Variants in DTNB observed in about 807,000 individuals in gnomAD.
DTNB encodes the protein dystrobrevin beta.
Under a neutral mutation model 90.7 loss-of-function variants are expected in DTNB, and 63 were observed. That is an observed-to-expected ratio of 0.69 (90% CI 0.57 to 0.86). DTNB has a LOEUF of 0.86. Among genes scored for constraint, DTNB ranks in the 40% least tolerant of loss-of-function variants. The pLI is 0.00. For synonymous variants in DTNB, 277 were observed against 286.7 expected, an observed-to-expected ratio of 0.97 and a Z score of 0.34; for missense variants, 744 against 807.1, an observed-to-expected ratio of 0.92 and a Z score of 0.95.
intron 5 of DTNB, among the ~76,000 whole-genome samples, chr2:25,600,152 A>G (rs905712229): frequency 6.6e-6 from 1 of 152,218 alleles, no homozygotes. Flanking sequence ...CGTTCATTGA[A>G]TCTGAATGAA....
At chr2:25,620,018 C>A (rs201887017) in intron 4 of DTNB, among the ~76,000 whole-genome samples, 1 of 151,682 alleles carries the variant, frequency 6.6e-6, no homozygotes, top group East Asian at 1.9e-4. Flanking sequence ...CCAGCCTGGG[C>A]GACAGAGTGA....
intron 3 of DTNB, among the ~76,000 whole-genome samples, chr2:25,637,178 C>T (rs1450010791): frequency 6.6e-6 from 1 of 152,024 alleles, no homozygotes; most frequent in Non-Finnish European, 1.5e-5. Context: ...AAACTGGATC[C>T]CTTCCTTACA....
Position 25,379,556 on chromosome 2 carries a change from A to C in DTNB, c.1880-233T>G, listed in dbSNP as rs2036964381. ...GAGACAGATGCTTCTCAGGAGAAGG[A>C]AAGTCATTAAAAAATGGAATCAAAA... On this transcript the variant is annotated intron_variant, in intron 19 of 20. Coordinates refer to ENST00000406818, the MANE Select transcript of DTNB (RefSeq NM_021907.5). 9.5e-6 allele frequency: 4 copies of C among 419,798 alleles called. No individual in the cohort carries two copies. In the South Asian group the frequency reaches 4.0e-4, roughly 42 times the overall value. The allele number at this position is 419,798 out of a possible 1,614,324, so 26.0% of individuals were successfully genotyped here.
At chr2:25,580,875 C>A in intron 6 of DTNB, 49 bp from the exon 7 acceptor site, 1 of 1,506,256 alleles carries the variant, frequency 6.6e-7, no homozygotes, top group Non-Finnish European at 9.1e-7. Context: ...TAGGAATCTC[C>A]AAACTCCAAG....
chr2:25,650,282 G>C, intron 2 of DTNB: 1 of 976,352 alleles, frequency 1.0e-6, no homozygotes, highest in Non-Finnish European at 1.2e-6. Context: ...TTCATGAAGT[G>C]AAGTCAGGGA....
intron 9 of DTNB, among the ~76,000 whole-genome samples, chr2:25,496,522 ACT>A (rs1178251425): frequency 2.6e-5 from 4 of 152,074 alleles, no homozygotes; most frequent in Non-Finnish European, 5.9e-5. Context: ...TGACAGGCTG[ACT>A]CTCACATATT....
At chr2:25,534,410 C>T (rs2078928875) in intron 8 of DTNB, among the ~76,000 whole-genome samples, 3 of 152,176 alleles carry the variant, frequency 2.0e-5, no homozygotes, top group Non-Finnish European at 2.9e-5. Flanking sequence ...TCTTTCTACA[C>T]AGACACAGTA....
intron 8 of DTNB, among the ~76,000 whole-genome samples, chr2:25,540,609 G>T (rs1229350549): frequency 6.6e-6 from 1 of 152,120 alleles, no homozygotes; most frequent in African/African-American, 2.4e-5. Flanking sequence ...AAGGGGGAAA[G>T]GTGGGGAAAA....
At chr2:25,456,126 G>T (rs1351659766) in intron 10 of DTNB, among the ~76,000 whole-genome samples, 1 of 152,110 alleles carries the variant, frequency 6.6e-6, no homozygotes, top group Non-Finnish European at 1.5e-5. Flanking sequence ...TAAGCACATG[G>T]TCTTCTAACT....
At chr2:25,434,486 C>T (rs1176161538) in intron 12 of DTNB, among the ~76,000 whole-genome samples, 1 of 146,538 alleles carries the variant, frequency 6.8e-6, no homozygotes, top group African/African-American at 2.6e-5. Context: ...TCACAGCTCA[C>T]TGCACTCTTG....
At chr2:25,532,774 T>C (rs2078499088) in intron 8 of DTNB, among the ~76,000 whole-genome samples, 1 of 152,218 alleles carries the variant, frequency 6.6e-6, no homozygotes, top group South Asian at 2.1e-4. Flanking sequence ...TGCAGTTTAT[T>C]ATCATATGTG....
At chr2:25,516,122 T>G (rs1198397272) in intron 9 of DTNB, among the ~76,000 whole-genome samples, 1 of 152,160 alleles carries the variant, frequency 6.6e-6, no homozygotes, top group East Asian at 1.9e-4. Context: ...TACAGTAAGA[T>G]CCTACCACTC....
At chr2:25,406,185 C>T (rs1029364264) in intron 16 of DTNB, among the ~76,000 whole-genome samples, 5 of 151,962 alleles carry the variant, frequency 3.3e-5, no homozygotes, top group African/African-American at 9.7e-5. Flanking sequence ...GCCGTGGAGG[C>T]GCATATTTGT....
rs1000450897 is a variant in DTNB at position 25,424,598 on chromosome 2, T to C, written c.1554+2937A>G. ...TGGGGCACTGGGACTTTCCCATCTA[T>C]GCTTGGGTAATATTTGAGAACATCT... On this transcript the variant is annotated intron_variant, in intron 15 of 20. Transcript: ENST00000406818. This position sits in a 1 kb window ranked among gnomAD's most constrained non-coding sequence, Gnocchi z 4.1. Among the ~76,000 whole-genome samples, 1 of 152,070 alleles carries C rather than the reference T, an allele frequency of 6.6e-6. No individual in the cohort carries two copies. The highest frequency in any genetic ancestry group is 1.5e-5 in the Non-Finnish European group (1 of 68,002).
chr2:25,389,647 C>T (rs1276665657), intron 16 of DTNB, among the ~76,000 whole-genome samples: 1 of 152,084 alleles, frequency 6.6e-6, no homozygotes. Context: ...AAAATAGAAG[C>T]CAAAGTGTGA....
intron 14 of DTNB, among the ~76,000 whole-genome samples, chr2:25,430,761 G>A (rs1177086412): frequency 6.6e-6 from 1 of 152,152 alleles, no homozygotes; most frequent in African/African-American, 2.4e-5. Flanking sequence ...TTCTATGGAT[G>A]GCATTGTTTT....
intron 1 of DTNB, among the ~76,000 whole-genome samples, chr2:25,668,096 A>G (rs996271859): frequency 1.1e-4 from 16 of 152,008 alleles, no homozygotes; most frequent in African/African-American, 3.6e-4. Flanking sequence ...AAAATTAGCC[A>G]GGCATGGTGG....
intron 8 of DTNB, among the ~76,000 whole-genome samples, chr2:25,546,306 C>T (rs1302036291): frequency 6.6e-6 from 1 of 152,198 alleles, no homozygotes; most frequent in East Asian, 1.9e-4. Context: ...TCATTTTGTG[C>T]CAAAGGCTGC....
chr2:25,528,330 G>A (rs566945351), intron 9 of DTNB, among the ~76,000 whole-genome samples: 1 of 152,268 alleles, frequency 6.6e-6, no homozygotes, highest in South Asian at 2.1e-4. Context: ...AATGCTGAAA[G>A]CATTCTCTGT....
Sources: gnomAD v4.1 joint callset for allele counts (sites outside exome capture counted in the v4.1 genomes callset) on GRCh38, gnomAD v4.1.1 for gene constraint, Gnocchi (gnomAD v3.1) non-coding constraint, MANE v1.5 for transcripts, NCBI Gene and HGNC (gene_info 2026-07-23, HGNC 2026-07-21) for gene names.